The following DYM variants were observed in gnomAD, a reference collection of about 807,000 sequenced individuals.
DYM encodes dymeclin.
Under a neutral mutation model 93.1 loss-of-function variants are expected in DYM, and 78 were observed. The ratio of observed to expected loss-of-function variants is 0.84; its 90% CI spans 0.70 to 1.01. The LOEUF is 1.01. Among genes scored for constraint, DYM ranks in the 50% least tolerant of loss-of-function variants. DYM has a pLI of 0.00. For missense variants in DYM, 789 were observed against 845.0 expected, an observed-to-expected ratio of 0.93 and a Z score of 0.82; for synonymous variants, 321 against 319.7, an observed-to-expected ratio of 1.00 and a Z score of -0.04.
chr18:49,198,073 G>A (rs927834055), intron 14 of DYM, among the ~76,000 whole-genome samples: 2 of 152,040 alleles, frequency 1.3e-5, no homozygotes, highest in South Asian at 2.1e-4. Flanking sequence ...CAGAAATAGT[G>A]CCACACATCT....
At chr18:49,170,247 T>C (rs2088490917) in intron 14 of DYM, among the ~76,000 whole-genome samples, 2 of 152,132 alleles carry the variant, frequency 1.3e-5, no homozygotes, top group Non-Finnish European at 2.9e-5. Flanking sequence ...AGCTAAGTGG[T>C]GGAGTCAGGA....
chr18:49,266,959 GA>G (rs1005050126), intron 11 of DYM, among the ~76,000 whole-genome samples: 1 of 150,946 alleles, frequency 6.6e-6, no homozygotes, highest in Non-Finnish European at 1.5e-5. Flanking sequence ...AAACGTTGGG[GA>G]AAAAAAAGGC....
intron 14 of DYM, among the ~76,000 whole-genome samples, chr18:49,179,639 T>C (rs1302502448): frequency 6.6e-6 from 1 of 152,082 alleles, no homozygotes; most frequent in Non-Finnish European, 1.5e-5. Context: ...AAATACAGGA[T>C]TGGGTCTTTA....
chr18:49,364,949 C>T (rs1412302836), intron 5 of DYM, among the ~76,000 whole-genome samples: 1 of 152,190 alleles, frequency 6.6e-6, no homozygotes, highest in Non-Finnish European at 1.5e-5. Context: ...CTTGTGCATG[C>T]CTCTTGCGTT....
At chr18:49,327,819 T>C (rs1200716950) in intron 8 of DYM, among the ~76,000 whole-genome samples, 1 of 152,206 alleles carries the variant, frequency 6.6e-6, no homozygotes, top group East Asian at 1.9e-4. Context: ...CACATCTATC[T>C]TGAGTATGAG....
At chr18:49,398,330 C>T (rs1177807313) in intron 2 of DYM, among the ~76,000 whole-genome samples, 1 of 152,110 alleles carries the variant, frequency 6.6e-6, no homozygotes, top group Admixed American at 6.6e-5. Flanking sequence ...ACCTACTTTT[C>T]GGAGGTGAGC....
At chr18:49,385,262 C>T (rs761669204) in intron 3 of DYM, among the ~76,000 whole-genome samples, 4 of 152,198 alleles carry the variant, frequency 2.6e-5, no homozygotes, top group Middle Eastern at 3.2e-3. Flanking sequence ...AGCTGGCAAA[C>T]GTTTTTCCTC....
At chr18:49,421,683 A>C (rs925529883) in intron 2 of DYM, among the ~76,000 whole-genome samples, 2 of 152,294 alleles carry the variant, frequency 1.3e-5, no homozygotes, top group African/African-American at 4.8e-5. Context: ...AGGCTTCAGA[A>C]GATCGGTAAT....
chr18:49,452,512 T>C (rs2082607112), intron 1 of DYM, among the ~76,000 whole-genome samples: 1 of 152,098 alleles, frequency 6.6e-6, no homozygotes, highest in Non-Finnish European at 1.5e-5. Flanking sequence ...GATATAAAGA[T>C]TCTCCAAGTC....
At chr18:49,268,621 GT>G (rs1288314810) in intron 11 of DYM, among the ~76,000 whole-genome samples, 1 of 152,090 alleles carries the variant, frequency 6.6e-6, no homozygotes, top group African/African-American at 2.4e-5. Context: ...TTTTTGTGTG[GT>G]TACAGTTACT....
intron 16 of DYM, among the ~76,000 whole-genome samples, chr18:49,105,762 G>T (rs1282970496): frequency 6.6e-6 from 1 of 152,164 alleles, no homozygotes; most frequent in Admixed American, 6.5e-5. Context: ...ACTGCACTGT[G>T]GTCTGAGAGA....
intron 13 of DYM, among the ~76,000 whole-genome samples, chr18:49,227,872 T>A (rs2093584667): frequency 6.6e-6 from 1 of 152,084 alleles, no homozygotes; most frequent in Non-Finnish European, 1.5e-5. Flanking sequence ...CTGCTGACTA[T>A]CTGGAGATAC....
At chr18:49,075,942 A>G (rs78143949) in intron 17 of DYM, among the ~76,000 whole-genome samples, 121 of 152,368 alleles carry the variant, frequency 7.9e-4, no homozygotes, top group African/African-American at 2.9e-3. Flanking sequence ...TAAAAGCTTG[A>G]TAACACATTT....
intron 16 of DYM, chr18:49,114,616 C>T: frequency 2.0e-6 from 2 of 980,332 alleles, no homozygotes; most frequent in Non-Finnish European, 2.4e-6. Context: ...TCTGTGTGTC[C>T]TGATTAAAAA....
At chr18:49,255,043 T>C (rs2094362537) in intron 13 of DYM, among the ~76,000 whole-genome samples, 1 of 152,154 alleles carries the variant, frequency 6.6e-6, no homozygotes, top group Non-Finnish European at 1.5e-5. Context: ...AACAATCTAA[T>C]AGAATGTATT....
At chr18:49,087,981 A>G (rs1185175387) in intron 17 of DYM, among the ~76,000 whole-genome samples, 1 of 151,776 alleles carries the variant, frequency 6.6e-6, no homozygotes, top group Non-Finnish European at 1.5e-5. Context: ...TTTCTTGTAA[A>G]TTTGTTTGAG....
chr18:49,193,089 A>G (rs2091130773), intron 14 of DYM, among the ~76,000 whole-genome samples: 1 of 152,198 alleles, frequency 6.6e-6, no homozygotes, highest in Admixed American at 6.5e-5. Context: ...GAGGTGATGG[A>G]TATGCTAACT....
intron 15 of DYM, among the ~76,000 whole-genome samples, chr18:49,128,361 T>G (rs950439846): frequency 3.9e-5 from 6 of 152,250 alleles, no homozygotes; most frequent in Admixed American, 6.5e-5. Context: ...TAGTGTTCAT[T>G]TTTATTCTTC....
chr18:49,316,289 CAA>C, intron 8 of DYM, among the ~76,000 whole-genome samples: 1 of 150,778 alleles, frequency 6.6e-6, no homozygotes, highest in Non-Finnish European at 1.5e-5. Flanking sequence ...CACACACACA[CAA>C]AAAAAAATCA....
Sources: allele counts gnomAD v4.1 joint callset (sites outside exome capture counted in the v4.1 genomes callset), GRCh38; gene constraint gnomAD v4.1.1; transcripts MANE v1.5; gene names NCBI Gene and HGNC (gene_info 2026-07-23, HGNC 2026-07-21).